The following ADAMTS20 variants were observed in gnomAD, a reference collection of about 807,000 sequenced individuals.
The protein encoded by ADAMTS20 is ADAM metallopeptidase with thrombospondin type 1 motif 20.
In ADAMTS20, 225 loss-of-function variants were observed where a neutral mutation model predicts 260.1. That is an observed-to-expected ratio of 0.87 (90% CI 0.78 to 0.97). ADAMTS20 has a LOEUF of 0.97. Among genes scored for constraint, ADAMTS20 ranks in the 50% least tolerant of loss-of-function variants. The pLI is 0.00. For missense variants in ADAMTS20, 2,400 were observed against 2,337.7 expected (o/e 1.03, Z -0.55); for synonymous variants, 802 against 769.5 (o/e 1.04, Z -0.70).
chr12:43,396,200 C>T (rs1940699504), intron 29 of ADAMTS20, among the ~76,000 whole-genome samples: 1 of 151,728 alleles, frequency 6.6e-6, no homozygotes, highest in Admixed American at 6.6e-5. Context: ...TTACTAAATC[C>T]TTTCGTTAAA....
chr12:43,484,240 C>A (rs1942486435), intron 7 of ADAMTS20, among the ~76,000 whole-genome samples: 1 of 152,044 alleles, frequency 6.6e-6, no homozygotes. Flanking sequence ...TGAGAAGGAA[C>A]CAGAAAAATA....
rs957888672 is a variant in ADAMTS20, at chr12:43,354,098, C to T, written c.*111G>A. On this transcript the variant is annotated 3_prime_UTR_variant, in exon 39 of 39. Transcript: ENST00000389420. The stretch of plus-strand genomic sequence containing the variant: ...GAGCACCCTGAAAAAAAGGCAGAGA[C>T]ATATTGGACATGGAAATCTCGGGAA... 1.3e-6 allele frequency: 1 copy of T among 749,276 alleles called. No homozygotes were observed. The highest frequency in any genetic ancestry group is 2.2e-5 in the South Asian group (1 of 44,970). The allele number at this position is 749,276 out of a possible 1,614,324, so 46.4% of individuals were successfully genotyped here. A position where few individuals can be genotyped will look rare whatever the true frequency, so the allele number is the denominator to read the frequency against.
chr12:43,396,547 A>G (rs1467103566), intron 29 of ADAMTS20, among the ~76,000 whole-genome samples: 5 of 152,170 alleles, frequency 3.3e-5, no homozygotes, highest in African/African-American at 1.2e-4. Context: ...ACAAGTGGTC[A>G]TTTGTTTCTG....
chr12:43,492,721 G>A (rs1382010955), intron 5 of ADAMTS20, 92 bp from the exon 6 acceptor site: 19 of 1,426,018 alleles, frequency 1.3e-5, no homozygotes, highest in Non-Finnish European at 1.7e-5. Flanking sequence ...TTATCAAATA[G>A]CATTCTCACA....
chr12:43,482,532 G>A (rs1339788623), intron 7 of ADAMTS20, among the ~76,000 whole-genome samples: 7 of 152,142 alleles, frequency 4.6e-5, no homozygotes, highest in Non-Finnish European at 5.9e-5. Flanking sequence ...AGATTCTTTT[G>A]TGTAGCAGAG....
At chr12:43,435,493 G>A (rs576980789) in intron 18 of ADAMTS20, among the ~76,000 whole-genome samples, 3 of 151,746 alleles carry the variant, frequency 2.0e-5, no homozygotes, top group African/African-American at 7.3e-5. Context: ...ACAGAAATCA[G>A]CCAGGCGTGG....
rs140579866 is a variant in ADAMTS20, at chr12:43,391,919, T to C, written c.4452+7147A>G. Among the ~76,000 whole-genome samples the C allele has an allele frequency of 2.9e-3, 437 of 152,302 alleles. 1 individual carries two copies. The highest frequency in any genetic ancestry group is 4.6e-3 in the Non-Finnish European group (314 of 68,010). ...AAAATTTAGTTTTCTCTCTTGTGAG[T>C]ATAAGCAGCAACCACCAACTTCAAA... On this transcript the variant is annotated intron_variant, in intron 29 of 38. Coordinates refer to ENST00000389420, the MANE Select transcript of ADAMTS20 (RefSeq NM_025003.5).
rs1249004390 is a variant in ADAMTS20, at chr12:43,551,707, C to A, written c.91+124G>T. The A allele has an allele frequency of 1.0e-6, 1 of 1,002,340 alleles. No homozygotes were observed. Among genetic ancestry groups the A allele is most frequent in the African/African-American group, 1.6e-5 (1 of 62,950 alleles). 62.1% of individuals were successfully genotyped at this position (1,002,340 alleles called of 1,614,324 possible). On this transcript the variant is annotated intron_variant, in intron 1 of 38. Transcript: ENST00000389420. The surrounding 1 kb of genome is among the most constrained non-coding windows in gnomAD (Gnocchi z 4.6). ...CTCTCCGGCTGACTGGTCCGGGAGT[C>A]CCGGGAGCTCCAGCAGGGCCAGCGT... is the stretch of plus-strand genomic sequence containing the variant.
At position 43,456,884 on chromosome 12, in the gene ADAMTS20, AG is replaced by A. The variant is rs759984371; in HGVS notation, c.1615-2833del. On this transcript the variant is annotated intron_variant, in intron 11 of 38. Coordinates refer to ENST00000389420, the MANE Select transcript of ADAMTS20 (RefSeq NM_025003.5). ...ATGACTTAGGTCAGAGCAGGTAACC[AG>A]GGGAACAGATATGAATTACTGATTA... Among the ~76,000 whole-genome samples, 215 of 152,282 alleles carry A rather than the reference AG, an allele frequency of 1.4e-3. 1 individual carries two copies. Among genetic ancestry groups the A allele is most frequent in the Non-Finnish European group, 2.5e-3 (171 of 68,016 alleles).
chr12:43,550,892 G>T lies in ADAMTS20; in HGVS notation c.453+17C>A. ...CCTGGATCCCAAGAAAATGCCAAGG[G>T]ACCCGAGGACACTCACCAGGCCTCC... On this transcript the variant is annotated intron_variant, in intron 2 of 38. Coordinates refer to ENST00000389420, the MANE Select transcript of ADAMTS20 (RefSeq NM_025003.5). 1 of 1,517,098 alleles carries T rather than the reference G, an allele frequency of 6.6e-7. No individual in the cohort carries two copies. Among genetic ancestry groups the T allele is most frequent in the Non-Finnish European group, 8.8e-7 (1 of 1,131,622 alleles). 94.0% of individuals were successfully genotyped at this position (1,517,098 alleles called of 1,614,324 possible). A position where few individuals can be genotyped will look rare whatever the true frequency, so the allele number is the denominator to read the frequency against.
chr12:43,371,320 G>A (rs897800685), intron 36 of ADAMTS20, among the ~76,000 whole-genome samples: 5 of 152,118 alleles, frequency 3.3e-5, no homozygotes, highest in Admixed American at 6.5e-5. Context: ...TGAGAAAAGC[G>A]AGGACTTTTA....
At chr12:43,445,812 A>C (rs968668413) in intron 15 of ADAMTS20, among the ~76,000 whole-genome samples, 1 of 152,152 alleles carries the variant, frequency 6.6e-6, no homozygotes, top group African/African-American at 2.4e-5. Flanking sequence ...TGATTGTGCC[A>C]CTGTACTACA....
downstream of ADAMTS20, among the ~76,000 whole-genome samples, chr12:43,353,225 C>A (rs1939672115): frequency 6.6e-6 from 1 of 151,816 alleles, no homozygotes; most frequent in Admixed American, 6.6e-5. Flanking sequence ...TTTATACTCC[C>A]TTATGTTCTG....
rs557347878 is a variant in ADAMTS20, at chr12:43,454,590, G to C, written c.1615-538C>G. 1.3e-3 allele frequency among the ~76,000 whole-genome samples: 195 copies of C among 152,252 alleles called. 1 individual carries two copies. The highest frequency in any genetic ancestry group is 2.2e-3 in the Non-Finnish European group (151 of 68,016). ...GCACTCACATTCAGCCTTGCTACCT[G>C]TTAGCACACATGGAAAATTCACTAT... is the stretch of plus-strand genomic sequence containing the variant. On this transcript the variant is annotated intron_variant, in intron 11 of 38. Transcript: ENST00000389420.
chr12:43,409,601 C>CAAAAAAAAAAA lies in ADAMTS20; in HGVS notation c.4285-10379_4285-10369dup, dbSNP rs67474640. ...TGGGCGACAGAGCGAGACTCCGTCT[C>CAAAAAAAAAAA]AAAAAAAAAAAAAAAAAAAAAAAAA... On this transcript the variant is annotated intron_variant, in intron 28 of 38. Coordinates refer to ENST00000389420, the MANE Select transcript of ADAMTS20 (RefSeq NM_025003.5). 2.6e-3 allele frequency among the ~76,000 whole-genome samples: 122 copies of CAAAAAAAAAAA among 46,902 alleles called. 2 individuals carry two copies. Among genetic ancestry groups the CAAAAAAAAAAA allele is most frequent in the African/African-American group, 4.7e-3 (33 of 6,966 alleles). The allele number at this position is 46,902 out of a possible 152,430, so 30.8% of individuals were successfully genotyped here. A position where few individuals can be genotyped will look rare whatever the true frequency, so the allele number is the denominator to read the frequency against.
At chr12:43,514,346 T>C (rs1039255516) in intron 3 of ADAMTS20, among the ~76,000 whole-genome samples, 4 of 151,490 alleles carry the variant, frequency 2.6e-5, no homozygotes, top group African/African-American at 4.8e-5. Context: ...AGGCAGATCA[T>C]GAGGTCAGAA....
chr12:43,528,718 A>G (rs1409680726), intron 3 of ADAMTS20, among the ~76,000 whole-genome samples: 3 of 152,128 alleles, frequency 2.0e-5, no homozygotes, highest in Non-Finnish European at 4.4e-5. Flanking sequence ...AAGAAACCCT[A>G]GGGAAAACTC....
chr12:43,506,158 C>CAAAAAA (rs61024820), intron 3 of ADAMTS20, among the ~76,000 whole-genome samples: 1 of 151,282 alleles, frequency 6.6e-6, no homozygotes, highest in Non-Finnish European at 1.5e-5. Context: ...ACAACAACAA[C>CAAAAAA]AAAGGAAGGA....
intron 19 of ADAMTS20, 123 bp from the exon 20 acceptor site, chr12:43,432,934 A>C: frequency 2.7e-4 from 212 of 794,062 alleles, no homozygotes; most frequent in East Asian, 3.2e-4. Flanking sequence ...CAAAAAACAA[A>C]ACCAGTCTGC....
Sources: allele counts gnomAD v4.1 joint callset (sites outside exome capture counted in the v4.1 genomes callset), GRCh38; gene constraint gnomAD v4.1.1; non-coding constraint Gnocchi (gnomAD v3.1); transcripts MANE v1.5; gene names NCBI Gene and HGNC (gene_info 2026-07-23, HGNC 2026-07-21).